FRMD4B: variants seen among roughly 807,000 people sequenced by gnomAD.
FRMD4B encodes the protein FERM domain-containing protein 4B.
FRMD4B carries 74 observed loss-of-function variants against 141.5 expected under a neutral mutation model. The ratio of observed to expected loss-of-function variants is 0.52; its 90% CI spans 0.43 to 0.63. The LOEUF (loss-of-function observed/expected upper bound fraction) is 0.63, where lower values mean the gene tolerates loss of function less well. FRMD4B is among the 30% of genes least tolerant of loss of function. FRMD4B has a pLI of 0.00. For missense variants in FRMD4B, 1,366 were observed against 1,253.4 expected, an observed-to-expected ratio of 1.09 and a Z score of -1.36; for synonymous variants, 506 against 467.9, an observed-to-expected ratio of 1.08 and a Z score of -1.05.
chr3:69,429,586 T>C (rs569972356), intron 2 of FRMD4B, among the ~76,000 whole-genome samples: 1 of 152,120 alleles, frequency 6.6e-6, no homozygotes, highest in African/African-American at 2.4e-5. Flanking sequence ...AACATATGTA[T>C]CCCTAAAACG....
intron 1 of FRMD4B, chr3:69,432,832 G>A (rs1705201713): frequency 6.6e-6 from 1 of 152,214 alleles, no homozygotes; most frequent in Admixed American, 6.5e-5. Context: ...TCTCAAGTCA[G>A]TGACACTTCT....
intron 1 of FRMD4B, among the ~76,000 whole-genome samples, chr3:69,484,766 A>C (rs1425513242): frequency 6.6e-6 from 1 of 151,792 alleles, no homozygotes; most frequent in Non-Finnish European, 1.5e-5. Context: ...TGGTCCTCTC[A>C]TCATCTCTCC....
intron 1 of FRMD4B, among the ~76,000 whole-genome samples, chr3:69,375,262 A>C: frequency 1.1e-4 from 1 of 9,390 alleles, no homozygotes; most frequent in African/African-American, 2.6e-4. Flanking sequence ...CATCCACCCC[A>C]TCCCATCCAT....
At chr3:69,335,702 C>T (rs1354684651) in intron 1 of FRMD4B, among the ~76,000 whole-genome samples, 5 of 150,760 alleles carry the variant, frequency 3.3e-5, no homozygotes, top group Non-Finnish European at 4.4e-5. Flanking sequence ...CACAGATATA[C>T]TTTATATCTT....
intron 1 of FRMD4B, among the ~76,000 whole-genome samples, chr3:69,348,846 G>C (rs1703037374): frequency 1.3e-5 from 2 of 152,048 alleles, no homozygotes. Context: ...AAAATAATAA[G>C]AGCTATTTAG....
intron 19 of FRMD4B, among the ~76,000 whole-genome samples, chr3:69,183,474 AT>A (rs771537044): frequency 0.012 from 1,383 of 113,228 alleles, 3 homozygotes; most frequent in East Asian, 0.025. Flanking sequence ...TTAGAAGTTA[AT>A]TTTTTTTTTT....
chr3:69,425,088 T>G (rs998278060), intron 2 of FRMD4B, among the ~76,000 whole-genome samples: 1 of 152,198 alleles, frequency 6.6e-6, no homozygotes, highest in Non-Finnish European at 1.5e-5. Context: ...TTTAAAAGGC[T>G]TTCATCTCTT....
intron 2 of FRMD4B, among the ~76,000 whole-genome samples, chr3:69,395,970 C>A (rs1704467293): frequency 6.6e-6 from 1 of 152,124 alleles, no homozygotes; most frequent in Admixed American, 6.5e-5. Context: ...ACTTCCTCAC[C>A]CTAAAACAGT....
chr3:69,180,763 T>C (rs551990409), intron 21 of FRMD4B, 136 bp downstream of exon 21: 35 of 625,200 alleles, frequency 5.6e-5, no homozygotes, highest in Middle Eastern at 4.2e-4. Flanking sequence ...GAAATTCTTA[T>C]TGTGGGGTTC....
chr3:69,212,459 A>G (rs2093096172), intron 11 of FRMD4B, among the ~76,000 whole-genome samples: 1 of 151,730 alleles, frequency 6.6e-6, no homozygotes, highest in Non-Finnish European at 1.5e-5. Flanking sequence ...ATGGAGTGGC[A>G]TGTTTTGGAA....
intron 7 of FRMD4B, among the ~76,000 whole-genome samples, chr3:69,245,147 C>T (rs769393963): frequency 2.0e-5 from 3 of 152,016 alleles, no homozygotes; most frequent in Non-Finnish European, 4.4e-5. Flanking sequence ...AATTGTAAGT[C>T]CCATTTTACA....
intron 11 of FRMD4B, among the ~76,000 whole-genome samples, chr3:69,203,889 T>C (rs1437878567): frequency 6.6e-6 from 1 of 152,226 alleles, no homozygotes; most frequent in African/African-American, 2.4e-5. Context: ...GCTCTCTGGA[T>C]CCCACATCTT....
In FRMD4B at chr3:69,459,353, CAGAA is replaced by C. The variant is rs1203893558; in HGVS notation, c.-128-26596_-128-26593del. On this transcript the variant is annotated intron_variant, in intron 1 of 5. Transcript: ENST00000459638. ...AATAGCTGGTAATAGCTCAAATACTCAGAAAGGAAAAAAATGAGGATGGATAATG... is the reference window on the plus strand; with the variant it reads ...AATAGCTGGTAATAGCTCAAATACTCAGGAAAAAAATGAGGATGGATAATG... Among the ~76,000 whole-genome samples, 13 of 152,120 alleles carry C rather than the reference CAGAA, an allele frequency of 8.5e-5. No homozygotes were observed. The East Asian group carries it at 1.5e-3, about 18-fold the overall frequency.
At chr3:69,356,202 C>G (rs908196547) in intron 1 of FRMD4B, among the ~76,000 whole-genome samples, 1 of 152,230 alleles carries the variant, frequency 6.6e-6, no homozygotes, top group South Asian at 2.1e-4. Context: ...TTAGTGTCAA[C>G]TTGATTGGAT....
intron 1 of FRMD4B, among the ~76,000 whole-genome samples, chr3:69,340,163 C>CTT (rs57344385): frequency 1.1e-4 from 17 of 151,094 alleles, no homozygotes; most frequent in South Asian, 4.2e-4. Context: ...CTTTTCTTTT[C>CTT]TTTTTTTTTA....
At chr3:69,456,536 T>C (rs191960813) in intron 1 of FRMD4B, among the ~76,000 whole-genome samples, 3 of 152,162 alleles carry the variant, frequency 2.0e-5, no homozygotes, top group Admixed American at 2.0e-4. Context: ...CTGATTTTTC[T>C]CCATCACAGC....
chr3:69,477,190 C>T (rs1381638207), intron 1 of FRMD4B, among the ~76,000 whole-genome samples: 1 of 151,862 alleles, frequency 6.6e-6, no homozygotes, highest in African/African-American at 2.4e-5. Context: ...ATTGAATACC[C>T]TTTATTTCCT....
At chr3:69,343,577 G>GTTTTTTTTTT (rs66705405) in intron 1 of FRMD4B, among the ~76,000 whole-genome samples, 2 of 126,538 alleles carry the variant, frequency 1.6e-5, no homozygotes, top group African/African-American at 3.0e-5. Context: ...ACAGTTTTTT[G>GTTTTTTTTTT]TTTTTTTTTT....
chr3:69,196,303 T>G lies in FRMD4B; in HGVS notation c.1186A>C (p.Thr396Pro). Residue 396 changes from threonine (T) to proline (P), a missense_variant, in exon 14 of 23, where the codon ACG becomes CCG. Coordinates refer to ENST00000398540, the MANE Select transcript of FRMD4B (RefSeq NM_015123.3). ...CTTGCCATGATGAACTGACTTTTCGTCTCCAGTGTCACCAGCTTGGAGGCC... is the reference window on the plus strand; with the variant it reads ...CTTGCCATGATGAACTGACTTTTCGGCTCCAGTGTCACCAGCTTGGAGGCC... ...QRASKLVTLETKSQFIMASNG... is the reference protein window; with the variant it reads ...QRASKLVTLEPKSQFIMASNG... 2 of 1,609,852 alleles carry G rather than the reference T, an allele frequency of 1.2e-6. No individual in the cohort carries two copies. Among genetic ancestry groups the G allele is most frequent in the Non-Finnish European group, 1.7e-6 (2 of 1,177,792 alleles).
Sources: gnomAD v4.1 joint callset for allele counts (sites outside exome capture counted in the v4.1 genomes callset) on GRCh38, gnomAD v4.1.1 for gene constraint, MANE v1.5 for transcripts, NCBI Gene and HGNC (gene_info 2026-07-23, HGNC 2026-07-21) for gene names.